Variants in MILR1 observed in about 807,000 individuals in gnomAD.
MILR1 encodes allergin-1.
In MILR1, 31 loss-of-function variants were observed where a neutral mutation model predicts 18.5. That is an observed-to-expected ratio of 1.68 (90% CI 1.26 to 2.26). The LOEUF (loss-of-function observed/expected upper bound fraction) is 2.26, where lower values mean the gene tolerates loss of function less well. Among genes scored for constraint, MILR1 ranks in the 30% most tolerant of loss-of-function variants. The pLI is 0.00. For synonymous variants in MILR1, 85 were observed against 56.2 expected, an observed-to-expected ratio of 1.51 and a Z score of -2.30; for missense variants, 257 against 157.4, an observed-to-expected ratio of 1.63 and a Z score of -3.38.
chr17:64,472,982 G>A (rs1290513755), downstream of MILR1, among the ~76,000 whole-genome samples: 3 of 152,228 alleles, frequency 2.0e-5, no homozygotes, highest in Non-Finnish European at 2.9e-5. Context: ...GGGATGAGGA[G>A]CTGCAAACAT....
At chr17:64,495,177 C>CAAAA in the MILR1 span, among the ~76,000 whole-genome samples, 5 of 119,348 alleles carry the variant, frequency 4.2e-5, no homozygotes, top group African/African-American at 1.6e-4. Context: ...GACTCTGTCT[C>CAAAA]AAAAAAAAAA....
chr17:64,469,529 C>T (rs1216220080), downstream of MILR1, among the ~76,000 whole-genome samples: 1 of 152,240 alleles, frequency 6.6e-6, no homozygotes, highest in Non-Finnish European at 1.5e-5. Context: ...TCTCAAGTAG[C>T]TGGCATTATA....
chr17:64,497,083 T>C, the MILR1 span: 141 of 1,124,938 alleles, frequency 1.3e-4, 1 homozygote, highest in Non-Finnish European at 1.7e-4. Flanking sequence ...GAGGTGAGCG[T>C]GCTTGCGGGC....
At chr17:64,454,210 T>C (rs1305776718) in intron 3 of MILR1, among the ~76,000 whole-genome samples, 2 of 151,978 alleles carry the variant, frequency 1.3e-5, no homozygotes, top group Non-Finnish European at 2.9e-5. Flanking sequence ...ATTACAGGCG[T>C]GTGCCACTGC....
chr17:64,485,780 G>T, the MILR1 span: 1 of 1,612,576 alleles, frequency 6.2e-7, no homozygotes, highest in Non-Finnish European at 8.5e-7. Flanking sequence ...CAGCTGGAAA[G>T]AATCATAGAG....
At chr17:64,469,559 G>A (rs1015190107), downstream of MILR1, among the ~76,000 whole-genome samples, 11 of 152,068 alleles carry the variant, frequency 7.2e-5, no homozygotes, top group South Asian at 2.1e-4. Context: ...CACCATGCCC[G>A]GCTAATTTTT....
intron 5 of MILR1, among the ~76,000 whole-genome samples, chr17:64,464,030 G>A (rs1221427784): frequency 6.6e-6 from 1 of 151,358 alleles, no homozygotes; most frequent in Non-Finnish European, 1.5e-5. Context: ...CACTATGTTG[G>A]CCAGGCTGGT....
intron 3 of MILR1, among the ~76,000 whole-genome samples, chr17:64,453,453 A>G (rs2037219667): frequency 6.6e-6 from 1 of 152,024 alleles, no homozygotes; most frequent in Non-Finnish European, 1.5e-5. Context: ...ATCTTTAGGC[A>G]AAAGTCTTAT....
chr17:64,462,500 G>A (rs2037453983), intron 5 of MILR1, among the ~76,000 whole-genome samples: 1 of 152,140 alleles, frequency 6.6e-6, no homozygotes, highest in South Asian at 2.1e-4. Flanking sequence ...CAGTGCATGA[G>A]GACAAACAAG....
At chr17:64,496,621 G>C in the MILR1 span, 1 of 1,613,792 alleles carries the variant, frequency 6.2e-7, no homozygotes, top group African/African-American at 1.3e-5. Context: ...CCACCACCGA[G>C]GTCCACCATT....
At chr17:64,455,350 A>G (rs1389276550) in intron 3 of MILR1, among the ~76,000 whole-genome samples, 1 of 152,202 alleles carries the variant, frequency 6.6e-6, no homozygotes, top group Non-Finnish European at 1.5e-5. Context: ...CAATTGTACT[A>G]CTGGGTTTTT....
At chr17:64,485,982 T>C in the MILR1 span, 3 of 951,086 alleles carry the variant, frequency 3.2e-6, no homozygotes, top group Non-Finnish European at 5.0e-6. Flanking sequence ...AGTGGCATGA[T>C]CTCAGCTCCC....
chr17:64,457,535 C>G lies in MILR1; in HGVS notation c.503C>G (p.Ser168Ter). ...YTFFENHVAISPAISKYDREP... is the reference protein window; with the variant it reads ...YTFFENHVAI ...TTCTTTGAAAACCATGTTGCCATAT[C>G]ACCAGCTATTTCCAAGTATGACAGG... Residue 168 changes from serine (S) to a stop codon, truncating the protein, a stop_gained, in exon 4 of 10, where the codon TCA (serine) becomes TGA (stop). Transcript: ENST00000619286. LOFTEE classifies it high-confidence loss of function. 1 of 475,424 alleles carries G rather than the reference C, an allele frequency of 2.1e-6. No homozygotes were observed. The highest frequency in any genetic ancestry group is 3.9e-6 in the Non-Finnish European group (1 of 259,076). The allele number at this position is 475,424 out of a possible 1,614,324, so 29.5% of individuals were successfully genotyped here.
chr17:64,465,615 A>G lies in MILR1; in HGVS notation c.853+74A>G, dbSNP rs538634110. The G allele has an allele frequency of 3.2e-5, 48 of 1,487,190 alleles. No homozygotes were observed. The South Asian group carries it at 3.7e-4, about 11-fold the overall frequency. 92.1% of individuals were successfully genotyped at this position (1,487,190 alleles called of 1,614,324 possible). ...TTTATTTTGTTAAGGTTGTACAGAC[A>G]TACGGGAGTGGGGGGTGGAGCAAAA... On this transcript the variant is annotated intron_variant, in intron 6 of 9. Transcript: ENST00000619286.
the MILR1 span, among the ~76,000 whole-genome samples, chr17:64,494,272 GCAAAAT>G: frequency 2.0e-5 from 3 of 152,226 alleles, no homozygotes; most frequent in South Asian, 2.1e-4. Flanking sequence ...ATCATTTTTA[GCAAAAT>G]ACTACATAGT....
At chr17:64,486,383 CAG>C in the MILR1 span, among the ~76,000 whole-genome samples, 1 of 148,320 alleles carries the variant, frequency 6.7e-6, no homozygotes, top group Admixed American at 6.7e-5. Context: ...TTAATACAGA[CAG>C]AGTCTCGCTC....
chr17:64,466,055 T>A (rs539063119), intron 6 of MILR1, among the ~76,000 whole-genome samples: 1 of 152,172 alleles, frequency 6.6e-6, no homozygotes, highest in Non-Finnish European at 1.5e-5. Context: ...CTCGGGAGAC[T>A]TACAATCATG....
At chr17:64,495,859 C>A in the MILR1 span, among the ~76,000 whole-genome samples, 1 of 152,170 alleles carries the variant, frequency 6.6e-6, no homozygotes, top group Admixed American at 6.5e-5. Flanking sequence ...CAGGCGCTCG[C>A]CGTCACGGCC....
chr17:64,491,651 C>CT, the MILR1 span: 1 of 1,410,308 alleles, frequency 7.1e-7, no homozygotes, highest in Non-Finnish European at 1.0e-6. Flanking sequence ...GAGGTTACTA[C>CT]TGGTACTACA....
Sources: allele counts gnomAD v4.1 joint callset (sites outside exome capture counted in the v4.1 genomes callset), GRCh38; gene constraint gnomAD v4.1.1; transcripts MANE v1.5; gene names NCBI Gene and HGNC (gene_info 2026-07-23, HGNC 2026-07-21).